The following FSTL4 variants were observed in gnomAD, a reference collection of about 807,000 sequenced individuals.
FSTL4 encodes the protein follistatin-related protein 4.
In FSTL4, 28 loss-of-function variants were observed where a neutral mutation model predicts 78.2. The observed-to-expected ratio is 0.36, with a 90% CI of 0.27 to 0.49. The LOEUF is 0.49. FSTL4 is among the 20% of genes least tolerant of loss of function. The probability of loss-of-function intolerance (pLI) is 0.98; values close to 1 mark genes in which losing one functional copy is unlikely to be tolerated. For synonymous variants in FSTL4, 422 were observed against 440.5 expected, an observed-to-expected ratio of 0.96 and a Z score of 0.53; for missense variants, 922 against 1,084.9, an observed-to-expected ratio of 0.85 and a Z score of 2.11.
the FSTL4 span, among the ~76,000 whole-genome samples, chr5:133,712,800 C>A: frequency 6.6e-6 from 1 of 152,220 alleles, no homozygotes; most frequent in African/African-American, 2.4e-5. Context: ...CTTTGAAGGC[C>A]TATGCCCACG....
chr5:133,488,567 A>G (rs1432256648), intron 3 of FSTL4, among the ~76,000 whole-genome samples: 1 of 151,806 alleles, frequency 6.6e-6, no homozygotes, highest in African/African-American at 2.4e-5. Context: ...CTCTCTTTTT[A>G]TGGTAAGAAA....
chr5:133,205,925 G>A (rs530877211), intron 14 of FSTL4, among the ~76,000 whole-genome samples: 30 of 152,266 alleles, frequency 2.0e-4, no homozygotes, highest in South Asian at 4.2e-4. Context: ...CAGACACCCC[G>A]AGCACAAACT....
chr5:133,222,248 T>TAG (rs1751159878), intron 11 of FSTL4, among the ~76,000 whole-genome samples: 1 of 152,190 alleles, frequency 6.6e-6, no homozygotes, highest in East Asian at 1.9e-4. Context: ...GTATCCAGCA[T>TAG]AGCTCTCCAT....
chr5:133,259,200 G>T (rs571538634), intron 6 of FSTL4, among the ~76,000 whole-genome samples: 9 of 150,716 alleles, frequency 6.0e-5, no homozygotes, highest in Admixed American at 4.7e-4. Context: ...GTGCTGGTGT[G>T]GCGGAAAGCC....
the FSTL4 span, among the ~76,000 whole-genome samples, chr5:133,840,178 T>G: frequency 1.3e-5 from 2 of 152,260 alleles, no homozygotes; most frequent in African/African-American, 4.8e-5. Context: ...GTGCTTCCAG[T>G]TGAGAGCTGT....
At chr5:133,471,774 T>C (rs923711517) in intron 3 of FSTL4, among the ~76,000 whole-genome samples, 4 of 152,188 alleles carry the variant, frequency 2.6e-5, no homozygotes, top group Non-Finnish European at 5.9e-5. Flanking sequence ...CAGTCTAGCA[T>C]TGGACTTTTT....
intron 3 of FSTL4, among the ~76,000 whole-genome samples, chr5:133,416,098 C>T (rs1397726409): frequency 6.6e-6 from 1 of 152,096 alleles, no homozygotes; most frequent in Non-Finnish European, 1.5e-5. Context: ...TGGTTTGTTC[C>T]AGGGAAGGGG....
chr5:133,260,449 T>C (rs1354552762), intron 6 of FSTL4, among the ~76,000 whole-genome samples: 1 of 152,250 alleles, frequency 6.6e-6, no homozygotes, highest in Non-Finnish European at 1.5e-5. Flanking sequence ...TGATTCCAAT[T>C]TCCTGAGCGT....
intron 7 of FSTL4, among the ~76,000 whole-genome samples, chr5:133,242,241 T>C (rs1397942572): frequency 6.6e-6 from 1 of 152,150 alleles, no homozygotes; most frequent in Non-Finnish European, 1.5e-5. Context: ...GCATGGCTCA[T>C]GGGCTGCAGG....
At chr5:133,366,382 A>C (rs1170185510) in intron 4 of FSTL4, among the ~76,000 whole-genome samples, 1 of 152,074 alleles carries the variant, frequency 6.6e-6, no homozygotes, top group African/African-American at 2.4e-5. Flanking sequence ...TCATGTGTTT[A>C]TTCTCTGTCT....
chr5:133,801,802 C>T, the FSTL4 span, among the ~76,000 whole-genome samples: 1 of 152,248 alleles, frequency 6.6e-6, no homozygotes, highest in Non-Finnish European at 1.5e-5. Flanking sequence ...TCTAGTGGGA[C>T]AGAACCAAGT....
chr5:133,485,761 CA>C (rs1036595272), intron 3 of FSTL4, among the ~76,000 whole-genome samples: 3 of 152,176 alleles, frequency 2.0e-5, no homozygotes, highest in Non-Finnish European at 4.4e-5. Context: ...GCTAAAGAGT[CA>C]AATACTGTAC....
chr5:133,528,810 C>T (rs909730672), intron 3 of FSTL4, among the ~76,000 whole-genome samples: 2 of 152,240 alleles, frequency 1.3e-5, no homozygotes, highest in African/African-American at 4.8e-5. Flanking sequence ...AGGGATACCA[C>T]CTCATATTTT....
At chr5:133,662,549 AT>A in the FSTL4 span, among the ~76,000 whole-genome samples, 1 of 152,154 alleles carries the variant, frequency 6.6e-6, no homozygotes, top group Non-Finnish European at 1.5e-5. Context: ...CCTAAAAAAA[AT>A]CTATGGTTTG....
At chr5:133,773,896 G>A in the FSTL4 span, among the ~76,000 whole-genome samples, 1 of 152,178 alleles carries the variant, frequency 6.6e-6, no homozygotes, top group East Asian at 1.9e-4. Context: ...GCTTCTAAGG[G>A]TAGACGGGAT....
intron 3 of FSTL4, among the ~76,000 whole-genome samples, chr5:133,500,941 T>C: frequency 6.8e-6 from 1 of 146,570 alleles, no homozygotes; most frequent in South Asian, 2.1e-4. Context: ...TCCTGTTTGC[T>C]TCATGAAAAA....
the FSTL4 span, among the ~76,000 whole-genome samples, chr5:133,751,719 G>A: frequency 6.6e-6 from 1 of 152,246 alleles, no homozygotes; most frequent in African/African-American, 2.4e-5. Flanking sequence ...AGAGGTGTCG[G>A]GCAAAATAGA....
At chr5:133,504,813 T>C (rs149673900) in intron 3 of FSTL4, among the ~76,000 whole-genome samples, 2 of 152,334 alleles carry the variant, frequency 1.3e-5, no homozygotes, top group African/African-American at 4.8e-5. Context: ...ACTAGTCAGG[T>C]GCCCACAGCC....
intron 5 of FSTL4, among the ~76,000 whole-genome samples, chr5:133,315,752 C>T (rs1753888376): frequency 6.6e-6 from 1 of 152,116 alleles, no homozygotes; most frequent in Middle Eastern, 3.2e-3. Context: ...GCAGGCCCCT[C>T]CAGCCCACCC....
Sources: allele counts gnomAD v4.1 joint callset (sites outside exome capture counted in the v4.1 genomes callset), GRCh38; gene constraint gnomAD v4.1.1; transcripts MANE v1.5; gene names NCBI Gene and HGNC (gene_info 2026-07-23, HGNC 2026-07-21).